The following RBM44 variants were observed in gnomAD, a reference collection of about 807,000 sequenced individuals.
RBM44 encodes RNA-binding protein 44.
A neutral mutation model predicts 105.1 loss-of-function variants in RBM44; 66 were observed. The observed-to-expected ratio is 0.63, with a 90% CI of 0.52 to 0.77. The LOEUF (loss-of-function observed/expected upper bound fraction) is 0.77, where lower values mean the gene tolerates loss of function less well. Among genes scored for constraint, RBM44 ranks in the 30% least tolerant of loss-of-function variants. The probability of loss-of-function intolerance (pLI) is 0.00; values close to 1 mark genes in which losing one functional copy is unlikely to be tolerated. For missense variants in RBM44, 1,122 were observed against 1,207.8 expected (o/e 0.93, Z 1.05); for synonymous variants, 365 against 417.6 (o/e 0.87, Z 1.54).
chr2:237,821,713 A>T, intron 7 of RBM44, 30 bp from the exon 8 acceptor site: 1 of 1,459,570 alleles, frequency 6.9e-7, no homozygotes, highest in Non-Finnish European at 9.6e-7. Flanking sequence ...CAAACATTAG[A>T]TCATATTTCT....
chr2:237,834,609 A>C, intron 15 of RBM44, 186 bp downstream of exon 15: 1 of 280,754 alleles, frequency 3.6e-6, no homozygotes, highest in Non-Finnish European at 6.5e-6. Context: ...TTACCCTAAA[A>C]TTGACTGGCT....
At chr2:237,806,949 A>T (rs2061604810) in intron 1 of RBM44, among the ~76,000 whole-genome samples, 1 of 152,162 alleles carries the variant, frequency 6.6e-6, no homozygotes, top group Non-Finnish European at 1.5e-5. Context: ...CAATTTTATA[A>T]GATTGTTATC....
intron 10 of RBM44, 129 bp downstream of exon 10, chr2:237,824,548 TA>T (rs2061828685): frequency 4.1e-6 from 3 of 737,202 alleles, no homozygotes; most frequent in Admixed American, 6.4e-5. Context: ...CTTTTCTTTA[TA>T]AATAAAAAAA....
At position 237,812,750 on chromosome 2, in the gene RBM44, G is replaced by C. The variant is rs558976940; in HGVS notation, c.-18-842G>C. 2.0e-5 allele frequency among the ~76,000 whole-genome samples: 3 copies of C among 152,240 alleles called. No homozygotes were observed. The East Asian group carries it at 5.8e-4, about 29-fold the overall frequency. On this transcript the variant is annotated intron_variant, in intron 1 of 15. Transcript: ENST00000316997. ...GGGGACAGAGGCTCAAAATGATTTT[G>C]TGAGTTGGCTGGACTTCCTTCTGCT...
rs1576510062 is a variant in RBM44 at position 237,823,445 on chromosome 2, T to C, written c.2211T>C (p.Ser737=). Residue 737 remains serine, a synonymous_variant, in exon 9 of 16, where the codon TCT becomes TCC. Coordinates refer to ENST00000316997, the MANE Select transcript of RBM44 (RefSeq NM_001080504.3). ...TTTATTATCTTAATCCTCAGATGTC[T>C]TTATCATCTGACAATAGTCATGCTA... ...SNLKKTLSQM[S]LSSDNSHATQ... is the part of the protein sequence containing the mutation. 2 of 1,410,042 alleles carry C rather than the reference T, an allele frequency of 1.4e-6. No individual in the cohort carries two copies. The highest frequency in any genetic ancestry group is 2.5e-5 in the East Asian group (1 of 40,300). 87.3% of individuals were successfully genotyped at this position (1,410,042 alleles called of 1,614,324 possible).
Position 237,820,357 on chromosome 2 carries a change from T to C in RBM44, c.1913+6T>C, listed in dbSNP as rs777103383. ...AATAGGGAAGGATTAAATATGTGTT[T>C]ATTAATTTCAAATCTGTTTTTTCTT... On this transcript the variant is annotated splice_donor_region_variant and intron_variant, in intron 5 of 15. Transcript: ENST00000316997. 8 of 1,524,988 alleles carry C rather than the reference T, an allele frequency of 5.2e-6. No individual in the cohort carries two copies. The highest frequency in any genetic ancestry group is 7.1e-6 in the Non-Finnish European group (8 of 1,120,068). 94.5% of individuals were successfully genotyped at this position (1,524,988 alleles called of 1,614,324 possible). A position where few individuals can be genotyped will look rare whatever the true frequency, so the allele number is the denominator to read the frequency against.
chr2:237,827,218 A>T, intron 10 of RBM44, 32 bp from the exon 11 acceptor site: 1 of 1,215,766 alleles, frequency 8.2e-7, no homozygotes, highest in Non-Finnish European at 1.2e-6. Flanking sequence ...TACAATAAAG[A>T]TCATTTCTGT....
At chr2:237,820,078 G>T in intron 4 of RBM44, 97 bp from the exon 5 acceptor site, 1 of 601,492 alleles carries the variant, frequency 1.7e-6, no homozygotes, top group Non-Finnish European at 2.7e-6. Context: ...AAACTTGACA[G>T]GGAAATATAA....
chr2:237,829,356 A>C lies in RBM44; in HGVS notation c.2740A>C (p.Lys914Gln). 1.2e-6 allele frequency: 2 copies of C among 1,613,710 alleles called. No individual in the cohort carries two copies. The highest frequency in any genetic ancestry group is 1.7e-6 in the Non-Finnish European group (2 of 1,179,694). ...LGEYTSPLSS[K>Q]NGNRISSNNL... ...AGAATATACATCACCACTTTCCTCC[A>C]AAAATGGGAATAGAATTAGTTCGAA... The change falls in exon 13 of 16, where the codon AAA (lysine) becomes CAA (glutamine). Residue 914 changes from lysine to glutamine, a missense_variant. Transcript: ENST00000316997.
rs1166426568 is a variant in RBM44, at chr2:237,841,697, A to G, written c.*23-142A>G. On this transcript the variant is annotated intron_variant, in intron 15 of 15. Coordinates refer to ENST00000316997, the MANE Select transcript of RBM44 (RefSeq NM_001080504.3). The surrounding 1 kb of genome is among the most constrained non-coding windows in gnomAD (Gnocchi z 4.5). Reference sequence around the variant, plus strand: ...AGACAAGACACAAAAATTAATTGCAATTCTCACTATCCATGATGTAAGAAA... The same window carrying G: ...AGACAAGACACAAAAATTAATTGCAGTTCTCACTATCCATGATGTAAGAAA... 1.3e-5 allele frequency: 2 copies of G among 152,216 alleles called. No individual in the cohort carries two copies. Among genetic ancestry groups the G allele is most frequent in the Non-Finnish European group, 2.9e-5 (2 of 68,030 alleles). 9.4% of individuals were successfully genotyped at this position (152,216 alleles called of 1,614,324 possible).
intron 10 of RBM44, among the ~76,000 whole-genome samples, chr2:237,826,044 C>T (rs2061844629): frequency 6.6e-6 from 1 of 152,010 alleles, no homozygotes; most frequent in Non-Finnish European, 1.5e-5. Flanking sequence ...TAATAGCTAC[C>T]TTGTGGCGTG....
chr2:237,799,990 G>A (rs1191314913), intron 1 of RBM44, among the ~76,000 whole-genome samples: 2 of 152,140 alleles, frequency 1.3e-5, no homozygotes, highest in Non-Finnish European at 2.9e-5. Context: ...ATAAAAATGG[G>A]CATGTACCTA....
chr2:237,822,588 A>G (rs2150982295), intron 8 of RBM44, among the ~76,000 whole-genome samples: 1 of 152,246 alleles, frequency 6.6e-6, no homozygotes, highest in South Asian at 2.1e-4. Context: ...TTACTTTAAC[A>G]TTGTCTATTC....
At chr2:237,804,235 A>G (rs2061576386) in intron 1 of RBM44, among the ~76,000 whole-genome samples, 1 of 152,164 alleles carries the variant, frequency 6.6e-6, no homozygotes, top group Admixed American at 6.5e-5. Context: ...TGTCTTTGCT[A>G]TTGTGAATAG....
chr2:237,799,138 G>A (rs1366059446), intron 1 of RBM44: 1 of 152,194 alleles, frequency 6.6e-6, no homozygotes, highest in Non-Finnish European at 1.5e-5. Flanking sequence ...AAGTCGCGGG[G>A]CCGGTCTCCC....
Position 237,817,328 on chromosome 2 carries a change from G to A in RBM44, c.409G>A (p.Val137Met). Residue 137 changes from valine (V) to methionine (M), a missense_variant, in exon 3 of 16, where the codon GTG becomes ATG. Physicochemically the swap from Val to Met is conservative, Grantham distance 21 (BLOSUM62 1). Coordinates refer to ENST00000316997, the MANE Select transcript of RBM44 (RefSeq NM_001080504.3). ...TPLSSELDPE[V>M]QKKEEVFFNI... The stretch of plus-strand genomic sequence containing the variant: ...TTTAAGTTCAGAATTAGATCCTGAA[G>A]TGCAGAAAAAAGAGGAGGTTTTTTT... 1 of 1,603,884 alleles carries A rather than the reference G, an allele frequency of 6.2e-7. No homozygotes were observed. Among genetic ancestry groups the A allele is most frequent in the Middle Eastern group, 1.7e-4 (1 of 6,004 alleles).
intron 2 of RBM44, among the ~76,000 whole-genome samples, chr2:237,815,099 C>T (rs1222740964): frequency 6.6e-6 from 1 of 152,042 alleles, no homozygotes; most frequent in Non-Finnish European, 1.5e-5. Flanking sequence ...AGGAAGATTG[C>T]TTGATGCAAG....
In RBM44 at chr2:237,829,768, T is replaced by C. The variant is rs145928465; in HGVS notation, c.2886+266T>C. ...CAGTCTTTCGCCGTCTTTTTATTACTACTCTATAAGTAACTAATTATAATT... is the reference window on the plus strand; with the variant it reads ...CAGTCTTTCGCCGTCTTTTTATTACCACTCTATAAGTAACTAATTATAATT... On this transcript the variant is annotated intron_variant, in intron 13 of 15. Transcript: ENST00000316997. Among the ~76,000 whole-genome samples, 5 of 152,332 alleles carry C rather than the reference T, an allele frequency of 3.3e-5. No homozygotes were observed. The East Asian group carries it at 9.6e-4, about 29-fold the overall frequency.
intron 13 of RBM44, among the ~76,000 whole-genome samples, chr2:237,830,195 A>G (rs1179599357): frequency 3.9e-5 from 6 of 152,194 alleles, no homozygotes; most frequent in Non-Finnish European, 2.9e-5. Context: ...AAATTATACT[A>G]TATAGCCCTG....
Sources: gnomAD v4.1 joint callset for allele counts (sites outside exome capture counted in the v4.1 genomes callset) on GRCh38, gnomAD v4.1.1 for gene constraint, Gnocchi (gnomAD v3.1) non-coding constraint, MANE v1.5 for transcripts, NCBI Gene and HGNC (gene_info 2026-07-23, HGNC 2026-07-21) for gene names.